The following EPS15L1 variants were observed in gnomAD, a reference collection of about 807,000 sequenced individuals.
The protein encoded by EPS15L1 is epidermal growth factor receptor substrate 15-like 1.
A neutral mutation model predicts 117.1 loss-of-function variants in EPS15L1; 43 were observed. The ratio of observed to expected loss-of-function variants is 0.37; its 90% CI spans 0.29 to 0.47. The LOEUF (loss-of-function observed/expected upper bound fraction) is 0.47. Ranked by LOEUF, EPS15L1 falls within the 20% of genes least tolerant of loss-of-function variation. The pLI is 0.99. For synonymous variants in EPS15L1, 459 were observed against 470.5 expected (o/e 0.98, Z 0.32); for missense variants, 981 against 1,164.0 (o/e 0.84, Z 2.29).
intron 22 of EPS15L1, among the ~76,000 whole-genome samples, chr19:16,376,799 G>A (rs765690488): frequency 2.0e-5 from 3 of 152,258 alleles, no homozygotes; most frequent in Non-Finnish European, 4.4e-5. Context: ...GCGTCGGGGT[G>A]GCACTGACAT....
At chr19:16,376,153 A>G (rs2144696170) in intron 22 of EPS15L1, among the ~76,000 whole-genome samples, 1 of 152,244 alleles carries the variant, frequency 6.6e-6, no homozygotes, top group South Asian at 2.1e-4. Flanking sequence ...AGAAGGCATG[A>G]TCCTGGGAGT....
At chr19:16,408,530 C>T (rs28697894) in intron 13 of EPS15L1, among the ~76,000 whole-genome samples, 23 of 151,834 alleles carry the variant, frequency 1.5e-4, no homozygotes, top group Middle Eastern at 3.4e-3. Flanking sequence ...TGTGGGGGCA[C>T]GCATCTGCAT....
intron 22 of EPS15L1, among the ~76,000 whole-genome samples, chr19:16,369,496 G>T (rs575722179): frequency 6.6e-6 from 1 of 152,272 alleles, no homozygotes; most frequent in African/African-American, 2.4e-5. Flanking sequence ...AATGGCTGTG[G>T]CCTCATCTTG....
intron 13 of EPS15L1, chr19:16,412,859 C>A: frequency 1.8e-6 from 1 of 565,252 alleles, no homozygotes; most frequent in South Asian, 1.5e-5. Context: ...AGAGGCAAGG[C>A]CGAGGATAAG....
intron 12 of EPS15L1, among the ~76,000 whole-genome samples, chr19:16,415,420 C>T (rs1297623190): frequency 6.6e-6 from 1 of 152,226 alleles, no homozygotes; most frequent in Non-Finnish European, 1.5e-5. Flanking sequence ...CTAACAGACC[C>T]TGCCTCCTGC....
chr19:16,369,493 G>A (rs904266457), intron 22 of EPS15L1, among the ~76,000 whole-genome samples: 4 of 152,188 alleles, frequency 2.6e-5, no homozygotes, highest in African/African-American at 9.7e-5. Context: ...CCCAATGGCT[G>A]TGGCCTCATC....
intron 17 of EPS15L1, among the ~76,000 whole-genome samples, chr19:16,394,293 A>C (rs2092516093): frequency 6.6e-6 from 1 of 152,082 alleles, no homozygotes; most frequent in East Asian, 1.9e-4. Context: ...GTGGGCTAGA[A>C]TTCACTCCTC....
Position 16,428,502 on chromosome 19 carries a change from A to G in EPS15L1, c.558+200T>C, listed in dbSNP as rs1332098792. On this transcript the variant is annotated intron_variant, in intron 8 of 23. Coordinates refer to ENST00000455140, the MANE Select transcript of EPS15L1 (RefSeq NM_001258374.3). The stretch of plus-strand genomic sequence containing the variant: ...GAGAGAGGGAGGGAGGGAGGGAGGG[A>G]GAGAGAGAGAGAAAGAAAGTGAAAG... Among the ~76,000 whole-genome samples, 5 of 117,640 alleles carry G rather than the reference A, an allele frequency of 4.3e-5. No homozygotes were observed. In the East Asian group the frequency reaches 1.3e-3, roughly 31 times the overall value. The allele number at this position is 117,640 out of a possible 152,430, so 77.2% of individuals were successfully genotyped here. A position where few individuals can be genotyped will look rare whatever the true frequency, so the allele number is the denominator to read the frequency against.
At chr19:16,360,761 T>C (rs1003783718) in intron 23 of EPS15L1, among the ~76,000 whole-genome samples, 3 of 151,942 alleles carry the variant, frequency 2.0e-5, no homozygotes, top group South Asian at 4.2e-4. Flanking sequence ...AATAAATAAA[T>C]TGACAAATAA....
intron 10 of EPS15L1, among the ~76,000 whole-genome samples, chr19:16,418,898 C>T (rs537002477): frequency 1.3e-5 from 2 of 152,328 alleles, no homozygotes; most frequent in East Asian, 3.9e-4. Context: ...TTCCACCCCC[C>T]AGAGCCGTGA....
Position 16,430,561 on chromosome 19 carries a change from C to A in EPS15L1, c.499-1800G>T, listed in dbSNP as rs181345883. On this transcript the variant is annotated intron_variant, in intron 7 of 23. Coordinates refer to ENST00000455140, the MANE Select transcript of EPS15L1 (RefSeq NM_001258374.3). ...CGCAGAGCACTAGGGCCCGGCCTGC[C>A]CATACTAAGCCCTCAGTAAATAAGT... Among the ~76,000 whole-genome samples, 156 of 152,336 alleles carry A rather than the reference C, an allele frequency of 1.0e-3. 2 individuals are homozygous for A. The highest frequency in any genetic ancestry group is 7.2e-3 in the South Asian group (35 of 4,830).
At chr19:16,402,839 C>A (rs1453357155) in intron 15 of EPS15L1, among the ~76,000 whole-genome samples, 1 of 152,170 alleles carries the variant, frequency 6.6e-6, no homozygotes, top group Non-Finnish European at 1.5e-5. Context: ...CTTGCCTCAG[C>A]CTCCTAAAGT....
At chr19:16,362,594 G>C (rs1026898704) in intron 22 of EPS15L1, among the ~76,000 whole-genome samples, 9 of 146,014 alleles carry the variant, frequency 6.2e-5, no homozygotes, top group Non-Finnish European at 8.9e-5. Context: ...TGCAATCATG[G>C]CTTATTGCGG....
At chr19:16,461,123 G>T (rs2145178198) in intron 1 of EPS15L1, among the ~76,000 whole-genome samples, 1 of 151,452 alleles carries the variant, frequency 6.6e-6, no homozygotes, top group East Asian at 2.0e-4. Flanking sequence ...GGCTAACACG[G>T]TGAAACCCCG....
chr19:16,444,727 G>GTTT (rs561228808), intron 1 of EPS15L1, among the ~76,000 whole-genome samples: 18 of 140,594 alleles, frequency 1.3e-4, no homozygotes, highest in African/African-American at 3.7e-4. Flanking sequence ...TTCCAGACAA[G>GTTT]TTTTTTTTTT....
intron 13 of EPS15L1, chr19:16,412,748 G>A: frequency 3.7e-6 from 1 of 269,310 alleles, no homozygotes. Context: ...CCTGGGATGG[G>A]CAACCACAGT....
intron 13 of EPS15L1, 79 bp downstream of exon 13, chr19:16,413,694 A>C (rs1599605850): frequency 6.6e-6 from 8 of 1,217,260 alleles, no homozygotes; most frequent in Non-Finnish European, 9.7e-6. Flanking sequence ...GCCCTTCCCC[A>C]CCACCAGCCA....
chr19:16,359,876 C>T (rs542693638), intron 23 of EPS15L1, among the ~76,000 whole-genome samples: 24 of 151,086 alleles, frequency 1.6e-4, no homozygotes, highest in East Asian at 5.8e-4. Flanking sequence ...TATGTAAAAA[C>T]CAAAAACTTA....
At chr19:16,458,518 G>A (rs752230566) in intron 1 of EPS15L1, among the ~76,000 whole-genome samples, 5 of 148,784 alleles carry the variant, frequency 3.4e-5, no homozygotes, top group Non-Finnish European at 7.4e-5. Context: ...CCACGGCCCT[G>A]CCTTCACCCG....
Sources: gnomAD v4.1 joint callset for allele counts (sites outside exome capture counted in the v4.1 genomes callset) on GRCh38, gnomAD v4.1.1 for gene constraint, MANE v1.5 for transcripts, NCBI Gene and HGNC (gene_info 2026-07-23, HGNC 2026-07-21) for gene names.